The following SVOP variants were observed in gnomAD, a reference collection of about 807,000 sequenced individuals.
SVOP encodes the protein synaptic vesicle 2-related protein.
SVOP carries 17 observed loss-of-function variants against 69.1 expected under a neutral mutation model. The ratio of observed to expected loss-of-function variants is 0.25; its 90% CI spans 0.17 to 0.37. SVOP has a LOEUF of 0.37. SVOP is among the 10% of genes least tolerant of loss of function. The probability of loss-of-function intolerance (pLI) is 1.00; values close to 1 mark genes in which losing one functional copy is unlikely to be tolerated. For missense variants in SVOP, 435 were observed against 597.5 expected (o/e 0.73, Z 2.84); for synonymous variants, 238 against 238.6 (o/e 1.00, Z 0.02).
chr12:108,946,256 C>T (rs1352258895), intron 6 of SVOP, among the ~76,000 whole-genome samples: 1 of 149,746 alleles, frequency 6.7e-6, no homozygotes, highest in Non-Finnish European at 1.5e-5. Context: ...ACCACCACGC[C>T]TGGCCAATTT....
intron 11 of SVOP, among the ~76,000 whole-genome samples, chr12:108,925,994 C>T (rs1219010667): frequency 4.0e-5 from 6 of 151,750 alleles, no homozygotes; most frequent in African/African-American, 1.5e-4. Context: ...TCACCGCTCA[C>T]TGCAGCCTTG....
At chr12:108,965,238 A>T (rs149016905) in intron 5 of SVOP, among the ~76,000 whole-genome samples, 40 of 152,200 alleles carry the variant, frequency 2.6e-4, no homozygotes, top group Non-Finnish European at 5.1e-4. Flanking sequence ...TTTCATGTCT[A>T]CTTTACAAAT....
At chr12:108,946,055 C>G (rs995468583) in intron 6 of SVOP, among the ~76,000 whole-genome samples, 1 of 152,190 alleles carries the variant, frequency 6.6e-6, no homozygotes, top group Non-Finnish European at 1.5e-5. Flanking sequence ...CTATCTCTAT[C>G]TAAGTCATCT....
At chr12:108,915,658 T>C in intron 15 of SVOP, 125 bp downstream of exon 15, 1 of 939,914 alleles carries the variant, frequency 1.1e-6, no homozygotes, top group South Asian at 1.8e-5. Flanking sequence ...TCCTCGGGTG[T>C]GTTGTTATGA....
At chr12:109,003,328 A>T (rs148182552) in intron 1 of SVOP, among the ~76,000 whole-genome samples, 4 of 152,336 alleles carry the variant, frequency 2.6e-5, no homozygotes, top group Non-Finnish European at 5.9e-5. Context: ...CTTATTATAA[A>T]TATACATAAC....
At chr12:109,007,597 T>C (rs2040315969) in intron 1 of SVOP, among the ~76,000 whole-genome samples, 1 of 152,244 alleles carries the variant, frequency 6.6e-6, no homozygotes, top group African/African-American at 2.4e-5. Flanking sequence ...TGAGAGGCAC[T>C]GCAACAGAGG....
chr12:108,985,181 C>T lies in SVOP; in HGVS notation c.36-1420G>A, dbSNP rs965953856. 2.0e-5 allele frequency among the ~76,000 whole-genome samples: 3 copies of T among 150,102 alleles called. No homozygotes were observed. In the South Asian group the frequency reaches 6.4e-4, roughly 32 times the overall value. ...GGGTGAGGCTGCAGTGAGCCGTGAT[C>T]ATACCACTGCATTCCAGCCTGAGCA... is the stretch of plus-strand genomic sequence containing the variant. On this transcript the variant is annotated intron_variant, in intron 1 of 15. Coordinates refer to ENST00000610966, the MANE Select transcript of SVOP (RefSeq NM_018711.5).
intron 11 of SVOP, among the ~76,000 whole-genome samples, chr12:108,929,541 A>T (rs1242628590): frequency 1.3e-5 from 2 of 152,226 alleles, no homozygotes; most frequent in South Asian, 2.1e-4. Context: ...ACTCCTGAGC[A>T]TAAGCAATCC....
rs11114104 is a variant in SVOP at position 108,930,063 on chromosome 12, T to C, written c.1048+4132A>G. Reference sequence around the variant, plus strand: ...TCTGGTCCCTTGCCTGTTTTTTGCCTGACCTATGTGCTAAAAATGTTTTTT... The same window carrying C: ...TCTGGTCCCTTGCCTGTTTTTTGCCCGACCTATGTGCTAAAAATGTTTTTT... On this transcript the variant is annotated intron_variant, in intron 11 of 15. Coordinates refer to ENST00000610966, the MANE Select transcript of SVOP (RefSeq NM_018711.5). Among the ~76,000 whole-genome samples the C allele has an allele frequency of 9.0e-3, 1,373 of 152,320 alleles. 18 individuals carry two copies. Among genetic ancestry groups the C allele is most frequent in the African/African-American group, 0.031 (1,288 of 41,550 alleles).
At chr12:108,933,356 GA>G (rs1163832419) in intron 11 of SVOP, among the ~76,000 whole-genome samples, 1 of 150,172 alleles carries the variant, frequency 6.7e-6, no homozygotes, top group African/African-American at 2.5e-5. Flanking sequence ...CACCCTGGGT[GA>G]AAGAATGAGA....
At chr12:108,950,906 G>A (rs2039950492) in intron 6 of SVOP, among the ~76,000 whole-genome samples, 1 of 152,164 alleles carries the variant, frequency 6.6e-6, no homozygotes, top group African/African-American at 2.4e-5. Flanking sequence ...TCCAAAGTAT[G>A]GCAATTATTA....
At chr12:108,988,078 T>C (rs899419556) in intron 1 of SVOP, among the ~76,000 whole-genome samples, 14 of 113,294 alleles carry the variant, frequency 1.2e-4, no homozygotes, top group Non-Finnish European at 2.3e-4. Flanking sequence ...CACACGGCCA[T>C]GCCTGACTAA....
intron 4 of SVOP, among the ~76,000 whole-genome samples, chr12:108,973,315 G>T (rs983124534): frequency 1.3e-5 from 2 of 152,214 alleles, no homozygotes; most frequent in Admixed American, 6.5e-5. Context: ...TGGCATGTCC[G>T]AGGGCAGGGA....
At chr12:108,975,025 C>T (rs1321535017) in intron 4 of SVOP, among the ~76,000 whole-genome samples, 2 of 152,122 alleles carry the variant, frequency 1.3e-5, no homozygotes, top group Non-Finnish European at 2.9e-5. Flanking sequence ...TGTGACAGTC[C>T]TGGATTCTAC....
At chr12:108,965,083 C>T (rs2040037468) in intron 5 of SVOP, among the ~76,000 whole-genome samples, 1 of 152,156 alleles carries the variant, frequency 6.6e-6, no homozygotes, top group Admixed American at 6.5e-5. Flanking sequence ...TATTGAACAC[C>T]TGCTGTTTGC....
chr12:108,913,743 G>A (rs1245889686), intron 15 of SVOP, among the ~76,000 whole-genome samples: 1 of 152,130 alleles, frequency 6.6e-6, no homozygotes, highest in Non-Finnish European at 1.5e-5. Flanking sequence ...CTGCCTCCCG[G>A]GTTCAAGCAA....
intron 1 of SVOP, among the ~76,000 whole-genome samples, chr12:108,988,924 C>T (rs2040182692): frequency 1.3e-5 from 2 of 151,900 alleles, no homozygotes; most frequent in African/African-American, 4.8e-5. Context: ...AGGCGCATGC[C>T]ACCACACCCA....
chr12:108,920,863 C>G (rs2039744423), intron 12 of SVOP, among the ~76,000 whole-genome samples: 1 of 152,156 alleles, frequency 6.6e-6, no homozygotes, highest in South Asian at 2.1e-4. Context: ...TCCCAAAGCA[C>G]CAGGATTACA....
intron 1 of SVOP, among the ~76,000 whole-genome samples, chr12:108,994,361 G>A (rs972382120): frequency 1.3e-5 from 2 of 152,090 alleles, no homozygotes; most frequent in African/African-American, 4.8e-5. Flanking sequence ...GGGCCTGGTG[G>A]CATGCACCTG....
Sources: allele counts gnomAD v4.1 joint callset (sites outside exome capture counted in the v4.1 genomes callset), GRCh38; gene constraint gnomAD v4.1.1; transcripts MANE v1.5; gene names NCBI Gene and HGNC (gene_info 2026-07-23, HGNC 2026-07-21).